SETX: variants seen among roughly 807,000 people sequenced by gnomAD.
The protein encoded by SETX is senataxin, also known as helicase senataxin.
Under a neutral mutation model 227.2 loss-of-function variants are expected in SETX, and 90 were observed. That is an observed-to-expected ratio of 0.40 (90% CI 0.33 to 0.47). The LOEUF (loss-of-function observed/expected upper bound fraction) is 0.47. Among genes scored for constraint, SETX ranks in the 20% least tolerant of loss-of-function variants. The pLI, the probability that SETX is intolerant of heterozygous loss-of-function variation, is 0.91. For missense variants in SETX, 3,052 were observed against 3,181.5 expected (o/e 0.96, Z 0.98); for synonymous variants, 1,210 against 1,113.2 (o/e 1.09, Z -1.73).
chr9:132,331,354 A>C lies in SETX; in HGVS notation c.933T>G (p.Pro311=). 6.2e-7 allele frequency: 1 copy of C among 1,614,110 alleles called. No homozygotes were observed. The highest frequency in any genetic ancestry group is 1.1e-5 in the South Asian group (1 of 91,066). ...TGATAATGGTTTGAAATGCCACAATAGGATCCATAAGTTGACCCCAGACCT... is the reference window on the plus strand; with the variant it reads ...TGATAATGGTTTGAAATGCCACAATCGGATCCATAAGTTGACCCCAGACCT... ...GSKVWGQLMD[P]IVAFQTIINN... Residue 311 remains proline (P), a synonymous_variant, in exon 8 of 26, where the codon CCT becomes CCG. Transcript: ENST00000224140.
Position 132,289,655 on chromosome 9 carries a change from G to A in SETX, c.6107-1004C>T, listed in dbSNP as rs548408495. 5.9e-5 allele frequency among the ~76,000 whole-genome samples: 9 copies of A among 152,088 alleles called. No individual in the cohort carries two copies. The East Asian group carries it at 1.2e-3, about 20-fold the overall frequency. On this transcript the variant is annotated intron_variant, in intron 15 of 25. Coordinates refer to ENST00000224140, the MANE Select transcript of SETX (RefSeq NM_015046.7). ...CAGAACAGAATCTTATTTGACCATC[G>A]AGCCTTCTTTTGCAGAATACTCAGA...
intron 10 of SETX, among the ~76,000 whole-genome samples, chr9:132,325,853 AC>A (rs773462372): frequency 6.8e-4 from 102 of 151,010 alleles, no homozygotes; most frequent in Middle Eastern, 6.8e-3. Context: ...AATCACTTGA[AC>A]CTGGGAGGCA....
At position 132,331,348 on chromosome 9, in the gene SETX, C is replaced by T; in HGVS notation, c.939G>A (p.Val313=). ...KVWGQLMDPI[V]AFQTIINNAS... is the part of the protein sequence containing the mutation. Reference sequence around the variant, plus strand: ...CGTTGTTGATAATGGTTTGAAATGCCACAATAGGATCCATAAGTTGACCCC... The same window carrying T: ...CGTTGTTGATAATGGTTTGAAATGCTACAATAGGATCCATAAGTTGACCCC... Residue 313 remains valine, a synonymous_variant, in exon 8 of 26, where the codon GTG becomes GTA. Transcript: ENST00000224140. 6.2e-7 allele frequency: 1 copy of T among 1,613,958 alleles called. No individual in the cohort carries two copies. The highest frequency in any genetic ancestry group is 8.5e-7 in the Non-Finnish European group (1 of 1,179,964).
chr9:132,278,437 C>CTTTTTTTTTTTTTT lies in SETX; in HGVS notation c.6655-194_6655-181dup, dbSNP rs67558000. The stretch of plus-strand genomic sequence containing the variant: ...CTCTGAGCCTCAAAATGCCATGAAT[C>CTTTTTTTTTTTTTT]TTTTTTTTTTTTTTTTTTTTTTTTT... On this transcript the variant is annotated intron_variant, in intron 20 of 25. Coordinates refer to ENST00000224140, the MANE Select transcript of SETX (RefSeq NM_015046.7). Among the ~76,000 whole-genome samples, 4 of 84,868 alleles carry CTTTTTTTTTTTTTT rather than the reference C, an allele frequency of 4.7e-5. 1 individual carries two copies. Among genetic ancestry groups the CTTTTTTTTTTTTTT allele is most frequent in the East Asian group, 2.7e-4 (1 of 3,670 alleles). The allele number at this position is 84,868 out of a possible 152,430, so 55.7% of individuals were successfully genotyped here.
In SETX at chr9:132,326,572, A is replaced by G; in HGVS notation, c.5026T>C (p.Phe1676Leu). Residue 1676 changes from phenylalanine to leucine, a missense_variant, in exon 10 of 26, where the codon TTT becomes CTT. Phe to Leu is a conservative substitution (Grantham distance 22). Transcript: ENST00000224140. ...GATGGAAAATATTTGCTTTCACCAA[A>G]TGGAACTTTGCAACCTTGCCTGTTG... ...NSNRQGCKVP[F>L]GESKYFPSSS... The G allele has an allele frequency of 1.2e-6, 2 of 1,614,216 alleles. No homozygotes were observed. Among genetic ancestry groups the G allele is most frequent in the Non-Finnish European group, 1.7e-6 (2 of 1,180,042 alleles).
In SETX at chr9:132,294,070, T is replaced by C. The variant is rs553183668; in HGVS notation, c.6106+1802A>G. 6.6e-5 allele frequency among the ~76,000 whole-genome samples: 10 copies of C among 152,194 alleles called. No individual in the cohort carries two copies. The East Asian group carries it at 1.9e-3, about 29-fold the overall frequency. On this transcript the variant is annotated intron_variant, in intron 15 of 25. Transcript: ENST00000224140. The stretch of plus-strand genomic sequence containing the variant: ...TAAATATCCAACCTAGACACCTCGT[T>C]TGCCTCACCTTAGTCCTGGCCCGGC...
In SETX at chr9:132,329,610, G is replaced by A. The variant is rs544828312; in HGVS notation, c.1988C>T (p.Thr663Ile). 61 of 1,613,790 alleles carry A rather than the reference G, an allele frequency of 3.8e-5. 2 individuals are homozygous for A. In the South Asian group the frequency reaches 6.7e-4, roughly 18 times the overall value. Reference protein sequence around the residue: ...QDSVLIKADNTIEGDNNEQNY... With the variant: ...QDSVLIKADNIIEGDNNEQNY... ...TTGCTCATTATTGTCACCTTCTATA[G>A]TGTTATCTGCTTTGATCAATACACT... The change falls in exon 10 of 26, where the codon ACT becomes ATT. Residue 663 changes from threonine to isoleucine, a missense_variant. Thr to Ile is a moderately conservative substitution (Grantham distance 89, BLOSUM62 -1). Around this residue, in one of 10 missense-constraint regions of SETX, gnomAD observed 1,483 missense variants for 1,312.0 expected, o/e 1.13. Coordinates refer to ENST00000224140, the MANE Select transcript of SETX (RefSeq NM_015046.7).
Position 132,264,951 on chromosome 9 carries a change from G to C in SETX, c.7322C>G (p.Ala2441Gly). The change falls in exon 26 of 26, where the codon GCT (alanine) becomes GGT (glycine). Residue 2441 changes from alanine (A) to glycine (G), a missense_variant. Physicochemically the swap from Ala to Gly is moderately conservative, Grantham distance 60 (BLOSUM62 0). Transcript: ENST00000224140. The part of the protein sequence containing the change: ...NQHWNQLIQD[A>G]QKRGAIIKTC... ...CTTAATAATGGCACCACGCTTCTGA[G>C]CATCCTGAATCAGCTGATTCCAATG... 6.2e-7 allele frequency: 1 copy of C among 1,614,032 alleles called. No homozygotes were observed. The highest frequency in any genetic ancestry group is 8.5e-7 in the Non-Finnish European group (1 of 1,180,024).
In SETX at chr9:132,300,699, T is replaced by C. The variant is rs769402097; in HGVS notation, c.5479A>G (p.Arg1827Gly). 3 of 1,613,630 alleles carry C rather than the reference T, an allele frequency of 1.9e-6. No individual in the cohort carries two copies. Among genetic ancestry groups the C allele is most frequent in the South Asian group, 2.2e-5 (2 of 91,074 alleles). ...RINEEKKDTE[R>G]NDIQDLHEYH... ...TCGTGGAGATCTTGTATGTCATTTC[T>C]CTCTGTATCTTTCTTCTCTTCATTT... Residue 1827 changes from arginine to glycine, a missense_variant, in exon 12 of 26, where the codon AGA becomes GGA. Physicochemically the swap from Arg to Gly is moderately radical, Grantham distance 125 (BLOSUM62 -2). This residue lies in a region of SETX where 239 missense variants were observed against 272.1 expected (regional missense o/e 0.88). Transcript: ENST00000224140.
At chr9:132,347,470 G>A (rs548233129) in intron 3 of SETX, among the ~76,000 whole-genome samples, 117 of 151,438 alleles carry the variant, frequency 7.7e-4, no homozygotes, top group African/African-American at 2.7e-3. Flanking sequence ...CCACCACCAC[G>A]CCTGGCTAAT....
rs1190676800 is a variant in SETX, at chr9:132,262,459, T to C, written c.*1780A>G. ...AACGAGATTTCTTCCCAAAGGCACA[T>C]GGAAGAAGCTGATAGAGCCCTTGAC... On this transcript the variant is annotated 3_prime_UTR_variant, in exon 26 of 26. Transcript: ENST00000224140. The C allele has an allele frequency of 6.6e-6, 1 of 152,166 alleles. No individual in the cohort carries two copies. The highest frequency in any genetic ancestry group is 1.5e-5 in the Non-Finnish European group (1 of 68,044). The allele number at this position is 152,166 out of a possible 1,614,324, so 9.4% of individuals were successfully genotyped here.
intron 15 of SETX, among the ~76,000 whole-genome samples, chr9:132,291,165 T>C (rs950977895): frequency 1.4e-5 from 2 of 138,070 alleles, no homozygotes; most frequent in East Asian, 4.2e-4. Context: ...AAACCTTTTT[T>C]TTTTTTTTTT....
Position 132,329,577 on chromosome 9 carries a change from A to T in SETX, c.2021T>A (p.Ile674Lys), listed in dbSNP as rs1205556237. The change falls in exon 10 of 26, where the codon ATA becomes AAA. Residue 674 changes from isoleucine to lysine, a missense_variant. By Grantham distance (102) the Ile-to-Lys change is moderately radical (BLOSUM62 -3). This residue lies in a region of SETX where 1,483 missense variants were observed against 1,312.0 expected (regional missense o/e 1.13). Coordinates refer to ENST00000224140, the MANE Select transcript of SETX (RefSeq NM_015046.7). ...IEGDNNEQNYIKDVKLEDHLL... is the reference protein window; with the variant it reads ...IEGDNNEQNYKKDVKLEDHLL... ...ATGGTCCTCTAGTTTCACATCCTTT[A>T]TATAATTTTGCTCATTATTGTCACC... 1 of 1,613,594 alleles carries T rather than the reference A, an allele frequency of 6.2e-7. No homozygotes were observed. Among genetic ancestry groups the T allele is most frequent in the Non-Finnish European group, 8.5e-7 (1 of 1,179,976 alleles).
At chr9:132,276,756 C>T (rs1054274709) in intron 22 of SETX, among the ~76,000 whole-genome samples, 1 of 152,218 alleles carries the variant, frequency 6.6e-6, no homozygotes, top group Non-Finnish European at 1.5e-5. Flanking sequence ...ACTGGAATAA[C>T]TGCTTACCCA....
intron 10 of SETX, among the ~76,000 whole-genome samples, chr9:132,322,327 T>C (rs779627836): frequency 3.3e-5 from 5 of 152,218 alleles, no homozygotes; most frequent in Non-Finnish European, 5.9e-5. Context: ...CACCACTACC[T>C]AATTCCGCAC....
intron 25 of SETX, among the ~76,000 whole-genome samples, chr9:132,266,788 A>C (rs566491494): frequency 1.3e-5 from 2 of 152,268 alleles, no homozygotes; most frequent in African/African-American, 4.8e-5. Context: ...AAACCCCCAA[A>C]AAAACCTTAT....
intron 2 of SETX, among the ~76,000 whole-genome samples, chr9:132,352,932 A>G (rs1443322588): frequency 6.6e-6 from 1 of 152,226 alleles, no homozygotes. Flanking sequence ...TCTGAGCTCC[A>G]GAGCCTACCC....
rs377301250 is a variant in SETX, at chr9:132,330,160, C to T, written c.1438G>A (p.Val480Ile). Reference sequence around the variant, plus strand: ...GCTTCCACCCATTGCTGGGAACTTACCCACAGCAAATGCAAACATTTTTTA... The same window carrying T: ...GCTTCCACCCATTGCTGGGAACTTATCCACAGCAAATGCAAACATTTTTTA... ...RNKKCLHLLW[V>I]SSQQWVEAVV... The change falls in exon 10 of 26, where the codon GTA becomes ATA. Residue 480 changes from valine (V) to isoleucine (I), a missense_variant. By Grantham distance (29) the Val-to-Ile change is conservative. Coordinates refer to ENST00000224140, the MANE Select transcript of SETX (RefSeq NM_015046.7). 2 of 1,601,054 alleles carry T rather than the reference C, an allele frequency of 1.2e-6. No individual in the cohort carries two copies. Among genetic ancestry groups the T allele is most frequent in the African/African-American group, 2.7e-5 (2 of 74,612 alleles).
chr9:132,278,027 A>G (rs567321186), intron 21 of SETX, 43 bp downstream of exon 21: 11 of 1,566,288 alleles, frequency 7.0e-6, no homozygotes, highest in Non-Finnish European at 9.7e-6. Context: ...ATAAGTAGCT[A>G]AACTACAACA....
Sources: gnomAD v4.1 joint callset for allele counts (sites outside exome capture counted in the v4.1 genomes callset) on GRCh38, gnomAD v4.1.1 for gene constraint, gnomAD v4.1.1 regional missense constraint, MANE v1.5 for transcripts, NCBI Gene and HGNC (gene_info 2026-07-23, HGNC 2026-07-21) for gene names.